The following AZI2 variants were observed in gnomAD, a reference collection of about 807,000 sequenced individuals.
AZI2 encodes 5-azacytidine-induced protein 2.
AZI2 carries 22 observed loss-of-function variants against 45.8 expected under a neutral mutation model. The ratio of observed to expected loss-of-function variants is 0.48; its 90% CI spans 0.34 to 0.69. AZI2 has a LOEUF of 0.69. Among genes scored for constraint, AZI2 ranks in the 30% least tolerant of loss-of-function variants. The probability of loss-of-function intolerance (pLI) is 0.01; values close to 1 mark genes in which losing one functional copy is unlikely to be tolerated. For synonymous variants in AZI2, 137 were observed against 156.7 expected, an observed-to-expected ratio of 0.87 and a Z score of 0.94; for missense variants, 417 against 441.5, an observed-to-expected ratio of 0.94 and a Z score of 0.50.
In AZI2 at chr3:28,340,627, T is replaced by A; in HGVS notation, c.-5-5A>T. 2 of 1,571,734 alleles carry A rather than the reference T, an allele frequency of 1.3e-6. No homozygotes were observed. Among genetic ancestry groups the A allele is most frequent in the Admixed American group, 1.9e-5 (1 of 52,058 alleles). On this transcript the variant is annotated splice_polypyrimidine_tract_variant and splice_region_variant and intron_variant, in intron 1 of 7. Coordinates refer to ENST00000479665, the MANE Select transcript of AZI2 (RefSeq NM_022461.5). ...CTACCAGTGCATCCATGACAACTGTTTAAAAGAAAAAAAATATGAGTGACA... is the reference window on the plus strand; with the variant it reads ...CTACCAGTGCATCCATGACAACTGTATAAAAGAAAAAAAATATGAGTGACA...
intron 5 of AZI2, among the ~76,000 whole-genome samples, chr3:28,334,950 G>A (rs2125651207): frequency 6.6e-6 from 1 of 152,070 alleles, no homozygotes; most frequent in Non-Finnish European, 1.5e-5. Context: ...GCATAAAACT[G>A]TGTCCCCTAA....
In AZI2 at chr3:28,337,940, G is replaced by A; in HGVS notation, c.436C>T (p.Gln146Ter). The A allele has an allele frequency of 6.5e-7, 1 of 1,546,108 alleles. No individual in the cohort carries two copies. Among genetic ancestry groups the A allele is most frequent in the South Asian group, 1.3e-5 (1 of 79,860 alleles). The change falls in exon 4 of 8, where the codon CAG becomes TAG. Residue 146 changes from glutamine to a stop codon, truncating the protein, a stop_gained. Coordinates refer to ENST00000479665, the MANE Select transcript of AZI2 (RefSeq NM_022461.5). LOFTEE classifies it high-confidence loss of function. Reference protein sequence around the residue: ...LQLRTEVETQQVMRNLNPPSS... With the variant: ...LQLRTEVETQ ...TTATAACAAGTAACTGGCATACCCT[G>A]CTGAGTTTCCACCTCTGTCCTCAGC...
At chr3:28,327,311 TTAAGAG>T (rs1197756135) in intron 6 of AZI2, among the ~76,000 whole-genome samples, 1 of 151,214 alleles carries the variant, frequency 6.6e-6, no homozygotes, top group East Asian at 1.9e-4. Flanking sequence ...GCAAATCTGA[TTAAGAG>T]TAAAGTTACA....
At chr3:28,337,013 T>C (rs1703820875) in intron 4 of AZI2, 128 bp from the exon 5 acceptor site, 1 of 912,606 alleles carries the variant, frequency 1.1e-6, no homozygotes, top group East Asian at 2.7e-5. Context: ...TGATCAATAG[T>C]TTTTTAAAAA....
chr3:28,322,108 T>A lies in AZI2; in HGVS notation c.*1934A>T, dbSNP rs570862438. 1.7e-4 allele frequency: 25 copies of A among 150,902 alleles called. No individual in the cohort carries two copies. The highest frequency in any genetic ancestry group is 4.2e-4 in the South Asian group (2 of 4,796). 9.3% of individuals were successfully genotyped at this position (150,902 alleles called of 1,614,324 possible). On this transcript the variant is annotated 3_prime_UTR_variant, in exon 8 of 8. Transcript: ENST00000479665. ...TAAAAGCTTCTAGCTGGGTAAAAAA[T>A]TTTTGGCTAATCTTTCCTTACTAAA...
chr3:28,334,278 C>G (rs1418530128), intron 5 of AZI2, among the ~76,000 whole-genome samples: 4 of 151,830 alleles, frequency 2.6e-5, no homozygotes, highest in Non-Finnish European at 4.4e-5. Context: ...CTAATGTGAG[C>G]TAGAGTAATA....
chr3:28,336,917 C>A, intron 4 of AZI2, 32 bp from the exon 5 acceptor site: 1 of 1,604,716 alleles, frequency 6.2e-7, no homozygotes, highest in African/African-American at 1.3e-5. Flanking sequence ...AAATTGTTAT[C>A]TTTTCCTTCT....
At chr3:28,325,648 A>G (rs922264394) in intron 7 of AZI2, among the ~76,000 whole-genome samples, 1 of 151,072 alleles carries the variant, frequency 6.6e-6, no homozygotes, top group Non-Finnish European at 1.5e-5. Flanking sequence ...CCAAGTATGA[A>G]AAGAGCATTG....
At chr3:28,339,177 C>T (rs943217013) in intron 2 of AZI2, among the ~76,000 whole-genome samples, 2 of 152,036 alleles carry the variant, frequency 1.3e-5, no homozygotes, top group Admixed American at 6.6e-5. Context: ...AGGGTTTCAC[C>T]ATGTTGGCCA....
In AZI2 at chr3:28,336,831, C is replaced by G. The variant is rs772887662; in HGVS notation, c.494G>C (p.Cys165Ser). ...SSNWEVEKLS[C>S]DLKIHGLEQE... ...TTCCAAACCATGGATCTTCAGGTCA[C>G]AGCTCAACTTTTCCACCTCCCAGTT... The change falls in exon 5 of 8, where the codon TGT (cysteine) becomes TCT (serine). Residue 165 changes from cysteine (C) to serine (S), a missense_variant. Physicochemically the swap from Cys to Ser is moderately radical, Grantham distance 112. Coordinates refer to ENST00000479665, the MANE Select transcript of AZI2 (RefSeq NM_022461.5). 1 of 1,613,280 alleles carries G rather than the reference C, an allele frequency of 6.2e-7. No individual in the cohort carries two copies. Among genetic ancestry groups the G allele is most frequent in the South Asian group, 1.1e-5 (1 of 91,034 alleles).
rs758673473 is a variant in AZI2 at position 28,340,597 on chromosome 3, A to T, written c.21T>A (p.Asp7Glu). 2 of 1,610,730 alleles carry T rather than the reference A, an allele frequency of 1.2e-6. No homozygotes were observed. Among genetic ancestry groups the T allele is most frequent in the South Asian group, 2.2e-5 (2 of 90,010 alleles). The change falls in exon 2 of 8, where the codon GAT becomes GAA. Residue 7 changes from aspartate (D) to glutamate (E), a missense_variant. Asp to Glu is a conservative substitution (Grantham distance 45, BLOSUM62 2). Coordinates refer to ENST00000479665, the MANE Select transcript of AZI2 (RefSeq NM_022461.5). MDALVE[D>E]DICILNHEKA... Reference sequence around the variant, plus strand: ...TTTCATGATTCAGAATACAGATATCATCTTCTACCAGTGCATCCATGACAA... The same window carrying T: ...TTTCATGATTCAGAATACAGATATCTTCTTCTACCAGTGCATCCATGACAA...
intron 1 of AZI2, among the ~76,000 whole-genome samples, chr3:28,343,244 T>C (rs1416378497): frequency 6.6e-6 from 1 of 152,076 alleles, no homozygotes; most frequent in East Asian, 1.9e-4. Flanking sequence ...CAAATGTCTC[T>C]TAAGACTGTA....
At chr3:28,338,355 A>C in intron 3 of AZI2, 138 bp downstream of exon 3, 1 of 937,042 alleles carries the variant, frequency 1.1e-6, no homozygotes, top group Non-Finnish European at 1.5e-6. Flanking sequence ...TATTACTAAA[A>C]TTTCCATTTT....
rs1479392791 is a variant in AZI2 at position 28,324,297 on chromosome 3, C to T, written c.924G>A (p.Lys308=). The change falls in exon 8 of 8, where the codon AAG becomes AAA. Residue 308 remains lysine (K), a synonymous_variant. Transcript: ENST00000479665. Reference sequence around the variant, plus strand: ...GGAGGATTGCTTTCTCTGATAAAACCTTTACATCTCCTGGTAAAGGGGAAG... The same window carrying T: ...GGAGGATTGCTTTCTCTGATAAAACTTTTACATCTCCTGGTAAAGGGGAAG... The part of the protein sequence containing the change: ...TTSSPLPGDV[K]VLSEKAILQS... 3.1e-6 allele frequency: 5 copies of T among 1,607,538 alleles called. No homozygotes were observed. In the African/African-American group the frequency reaches 4.0e-5, roughly 13 times the overall value.
chr3:28,324,416 C>G lies in AZI2; in HGVS notation c.805G>C (p.Asp269His). 6.5e-7 allele frequency: 1 copy of G among 1,537,802 alleles called. No individual in the cohort carries two copies. The highest frequency in any genetic ancestry group is 8.8e-7 in the Non-Finnish European group (1 of 1,141,248). Residue 269 changes from aspartate (D) to histidine (H), a missense_variant, in exon 8 of 8, where the codon GAC becomes CAC. Coordinates refer to ENST00000479665, the MANE Select transcript of AZI2 (RefSeq NM_022461.5). ...TTCATCAAGTGCAGTTTTGTGCTGT[C>G]TCTTCCAAGGTCTTCACTGCATCCT... ...PVGCSEDLGR[D>H]STKLHLMNFT...
chr3:28,323,747 C>A lies in AZI2; in HGVS notation c.*295G>T, dbSNP rs1703267996. 1 of 218,230 alleles carries A rather than the reference C, an allele frequency of 4.6e-6. No homozygotes were observed. Among genetic ancestry groups the A allele is most frequent in the East Asian group, 9.5e-5 (1 of 10,486 alleles). 13.5% of individuals were successfully genotyped at this position (218,230 alleles called of 1,614,324 possible). Reference sequence around the variant, plus strand: ...TCTCCAATTCCATTCTTCTGAGAGGCAAAATTTTACAATTAATATAGAAGG... The same window carrying A: ...TCTCCAATTCCATTCTTCTGAGAGGAAAAATTTTACAATTAATATAGAAGG... On this transcript the variant is annotated 3_prime_UTR_variant, in exon 8 of 8. Coordinates refer to ENST00000479665, the MANE Select transcript of AZI2 (RefSeq NM_022461.5).
At position 28,344,196 on chromosome 3, in the gene AZI2, A is replaced by G. The variant is rs148666019; in HGVS notation, c.-5-3574T>C. On this transcript the variant is annotated intron_variant, in intron 1 of 7. Transcript: ENST00000479665. ...ATGTATCAACTTTTATTGTTTTAAA[A>G]TAACTGTCATTTAAATTTGTTATAA... Among the ~76,000 whole-genome samples, 528 of 152,150 alleles carry G rather than the reference A, an allele frequency of 3.5e-3. 1 individual carries two copies. Among genetic ancestry groups the G allele is most frequent in the African/African-American group, 0.012 (510 of 41,526 alleles).
intron 6 of AZI2, among the ~76,000 whole-genome samples, chr3:28,329,185 CTTA>C (rs1324351261): frequency 3.3e-5 from 5 of 151,236 alleles, no homozygotes; most frequent in South Asian, 4.1e-4. Flanking sequence ...TGGCTGAGCA[CTTA>C]TTATATACTA....
intron 1 of AZI2, among the ~76,000 whole-genome samples, chr3:28,346,278 T>C (rs1322775160): frequency 6.6e-6 from 1 of 152,084 alleles, no homozygotes; most frequent in Non-Finnish European, 1.5e-5. Context: ...TAGATCAAAA[T>C]TTTCCCACCT....
Sources: gnomAD v4.1 joint callset for allele counts (sites outside exome capture counted in the v4.1 genomes callset) on GRCh38, gnomAD v4.1.1 for gene constraint, MANE v1.5 for transcripts, NCBI Gene and HGNC (gene_info 2026-07-23, HGNC 2026-07-21) for gene names.